Variants in FSD1L observed in about 807,000 individuals in gnomAD.
FSD1L encodes fibronectin type III and SPRY domain containing 1 like.
A neutral mutation model predicts 71.6 loss-of-function variants in FSD1L; 45 were observed. That is an observed-to-expected ratio of 0.63 (90% CI 0.49 to 0.81). The LOEUF (loss-of-function observed/expected upper bound fraction) is 0.81, where lower values mean the gene tolerates loss of function less well. FSD1L is among the 30% of genes least tolerant of loss of function. The pLI, the probability that FSD1L is intolerant of heterozygous loss-of-function variation, is 0.00. For synonymous variants in FSD1L, 197 were observed against 207.2 expected, an observed-to-expected ratio of 0.95 and a Z score of 0.42; for missense variants, 561 against 618.1, an observed-to-expected ratio of 0.91 and a Z score of 0.98.
In FSD1L at chr9:105,497,230, G is replaced by A. The variant is rs939407709; in HGVS notation, c.587-9169G>A. Among the ~76,000 whole-genome samples, 8 of 150,216 alleles carry A rather than the reference G, an allele frequency of 5.3e-5. No homozygotes were observed. The Admixed American group carries it at 5.3e-4, about 10-fold the overall frequency. ...TGGAATAAATACCAGTTGGTCAAGG[G>A]TATAATTCTTTTTGTTAATTGTTGG... On this transcript the variant is annotated intron_variant, in intron 7 of 13. Coordinates refer to ENST00000481272, the MANE Select transcript of FSD1L (RefSeq NM_001145313.3).
chr9:105,529,957 A>G (rs906277863), intron 10 of FSD1L, among the ~76,000 whole-genome samples: 3 of 152,184 alleles, frequency 2.0e-5, no homozygotes, highest in Non-Finnish European at 4.4e-5. Flanking sequence ...GAACAGCCAT[A>G]GCAAAGGCAC....
chr9:105,547,306 T>G lies in FSD1L; in HGVS notation c.*823T>G, dbSNP rs573253462. 8.0e-4 allele frequency: 113 copies of G among 141,710 alleles called. 1 individual carries two copies. Among genetic ancestry groups the G allele is most frequent in the African/African-American group, 2.9e-3 (112 of 38,724 alleles). 8.8% of individuals were successfully genotyped at this position (141,710 alleles called of 1,614,324 possible). On this transcript the variant is annotated 3_prime_UTR_variant, in exon 14 of 14. Transcript: ENST00000481272. ...CCTTTAATAGTTGTGTTTGGTAAAA[T>G]TCCCACTTGAATGTGACACTGATAA...
chr9:105,541,711 A>T (rs1836627689), intron 13 of FSD1L, among the ~76,000 whole-genome samples: 1 of 152,218 alleles, frequency 6.6e-6, no homozygotes, highest in Non-Finnish European at 1.5e-5. Context: ...AAATGCCTGC[A>T]GTTGTATAAC....
intron 7 of FSD1L, among the ~76,000 whole-genome samples, chr9:105,487,704 T>TA (rs1832645189): frequency 6.6e-6 from 1 of 152,150 alleles, no homozygotes; most frequent in African/African-American, 2.4e-5. Context: ...GAATTTATGG[T>TA]GATTTTTTTT....
chr9:105,522,940 C>G (rs1365048427), intron 10 of FSD1L: 19 of 1,613,226 alleles, frequency 1.2e-5, no homozygotes, highest in Non-Finnish European at 1.6e-5. Context: ...TGGACTTCTC[C>G]TGCCAGTGCA....
At chr9:105,470,894 C>T (rs12555267) in intron 4 of FSD1L, among the ~76,000 whole-genome samples, 21,554 of 152,174 alleles carry the variant, frequency 0.14, 1,668 homozygotes, top group Admixed American at 0.22. Flanking sequence ...CTCAGCATCA[C>T]CTGAAGATCC....
At chr9:105,522,947 T>C in intron 10 of FSD1L, 1 of 1,613,552 alleles carries the variant, frequency 6.2e-7, no homozygotes. Flanking sequence ...CTCCTGCCAG[T>C]GCAGGGAGCA....
intron 7 of FSD1L, among the ~76,000 whole-genome samples, chr9:105,488,389 A>C (rs1271423406): frequency 6.6e-6 from 1 of 152,110 alleles, no homozygotes; most frequent in African/African-American, 2.4e-5. Flanking sequence ...ATAATAGTCC[A>C]TTGTCTAGAT....
chr9:105,495,193 C>A (rs1319730739), intron 7 of FSD1L, among the ~76,000 whole-genome samples: 1 of 152,212 alleles, frequency 6.6e-6, no homozygotes, highest in Non-Finnish European at 1.5e-5. Flanking sequence ...CCTAAGCAAG[C>A]CTGGGCAATG....
chr9:105,474,136 A>G (rs1831646172), intron 5 of FSD1L, among the ~76,000 whole-genome samples: 1 of 152,188 alleles, frequency 6.6e-6, no homozygotes, highest in Non-Finnish European at 1.5e-5. Flanking sequence ...AAACCTAGAC[A>G]GTATAGCCTA....
At chr9:105,545,952 T>C (rs1017785471) in intron 13 of FSD1L, among the ~76,000 whole-genome samples, 9 of 152,154 alleles carry the variant, frequency 5.9e-5, no homozygotes, top group Admixed American at 5.2e-4. Context: ...TAGATTTTTA[T>C]AGTCTCAGGC....
intron 7 of FSD1L, among the ~76,000 whole-genome samples, chr9:105,498,311 A>G (rs1474592865): frequency 6.6e-6 from 1 of 151,812 alleles, no homozygotes; most frequent in Non-Finnish European, 1.5e-5. Context: ...GTGGGGATAC[A>G]TTCTAAGAAA....
At chr9:105,457,722 G>T (rs562395792) in intron 1 of FSD1L, among the ~76,000 whole-genome samples, 29 of 152,330 alleles carry the variant, frequency 1.9e-4, no homozygotes, top group Admixed American at 1.4e-3. Context: ...TGCTGGCCTG[G>T]ATCCCACACC....
intron 7 of FSD1L, among the ~76,000 whole-genome samples, chr9:105,487,356 A>G (rs1832616555): frequency 6.6e-6 from 1 of 151,692 alleles, no homozygotes; most frequent in Non-Finnish European, 1.5e-5. Context: ...AAGAGATTTC[A>G]CAGTTTATAT....
At chr9:105,531,299 C>A (rs1835879904) in intron 10 of FSD1L, among the ~76,000 whole-genome samples, 1 of 152,224 alleles carries the variant, frequency 6.6e-6, no homozygotes, top group Admixed American at 6.5e-5. Context: ...TGGTTTGGTT[C>A]ATTTAATTCC....
chr9:105,518,524 A>G (rs1834886763), intron 10 of FSD1L, among the ~76,000 whole-genome samples: 1 of 152,208 alleles, frequency 6.6e-6, no homozygotes, highest in South Asian at 2.1e-4. Context: ...AAACCACACA[A>G]CTATGTGGAA....
intron 13 of FSD1L, among the ~76,000 whole-genome samples, chr9:105,540,911 G>A (rs988829064): frequency 2.6e-5 from 4 of 152,214 alleles, no homozygotes; most frequent in Middle Eastern, 3.4e-3. Flanking sequence ...TTAGGTTCCC[G>A]TGGGGAGTTG....
rs1831384860 is a variant in FSD1L at position 105,470,531 on chromosome 9, T to C, written c.340-1373T>C. On this transcript the variant is annotated intron_variant, in intron 4 of 13. Coordinates refer to ENST00000481272, the MANE Select transcript of FSD1L (RefSeq NM_001145313.3). ...TACTATTATAAGTGGATTTTTTCTTTTTTTTCCTTCTTGGATTGTTCATTA... is the reference window on the plus strand; with the variant it reads ...TACTATTATAAGTGGATTTTTTCTTCTTTTTCCTTCTTGGATTGTTCATTA... Among the ~76,000 whole-genome samples, 6 of 152,322 alleles carry C rather than the reference T, an allele frequency of 3.9e-5. No individual in the cohort carries two copies. In the Middle Eastern group the frequency reaches 0.01, roughly 259 times the overall value.
At position 105,512,803 on chromosome 9, in the gene FSD1L, A is replaced by G; in HGVS notation, c.896-4A>G. 1 of 1,456,370 alleles carries G rather than the reference A, an allele frequency of 6.9e-7. No homozygotes were observed. Among genetic ancestry groups the G allele is most frequent in the African/African-American group, 1.4e-5 (1 of 70,064 alleles). 90.2% of individuals were successfully genotyped at this position (1,456,370 alleles called of 1,614,324 possible). ...AAAATATATTTAAATATTATCTTGA[A>G]TAGCACTTAACTTCAATTTGGATAA... On this transcript the variant is annotated splice_polypyrimidine_tract_variant and splice_region_variant and intron_variant, in intron 9 of 13. Coordinates refer to ENST00000481272, the MANE Select transcript of FSD1L (RefSeq NM_001145313.3).
Sources: gnomAD v4.1 joint callset for allele counts (sites outside exome capture counted in the v4.1 genomes callset) on GRCh38, gnomAD v4.1.1 for gene constraint, MANE v1.5 for transcripts, NCBI Gene and HGNC (gene_info 2026-07-23, HGNC 2026-07-21) for gene names.